GFRAL: variants seen among roughly 807,000 people sequenced by gnomAD.
GFRAL encodes the protein GDNF family receptor alpha like, also known as GDNF family receptor alpha-like.
GFRAL carries 36 observed loss-of-function variants against 45.4 expected under a neutral mutation model. The observed-to-expected ratio is 0.79, with a 90% CI of 0.61 to 1.05. The LOEUF is 1.05. Ranked by LOEUF, GFRAL falls within the 50% of genes least tolerant of loss-of-function variation. The pLI is 0.00. For missense variants in GFRAL, 507 were observed against 467.5 expected (o/e 1.08, Z -0.78); for synonymous variants, 166 against 154.1 (o/e 1.08, Z -0.57).
At position 55,333,886 on chromosome 6, in the gene GFRAL, T is replaced by A; in HGVS notation, c.258T>A (p.Thr86=). ...SNFQFKECLC[T]DDFYCTVNKL... ...TCCAATTTAAAGAGTGTCTTTGCAC[T>A]GATGACTTCTATTGTACTGTGAACA... Residue 86 remains threonine, a synonymous_variant, in exon 3 of 9, where the codon ACT becomes ACA. Coordinates refer to ENST00000340465, the MANE Select transcript of GFRAL (RefSeq NM_207410.2). The A allele has an allele frequency of 6.2e-7, 1 of 1,609,988 alleles. No individual in the cohort carries two copies. The highest frequency in any genetic ancestry group is 8.5e-7 in the Non-Finnish European group (1 of 1,177,486).
chr6:55,345,508 T>C (rs1768028878), intron 3 of GFRAL, among the ~76,000 whole-genome samples: 1 of 152,208 alleles, frequency 6.6e-6, no homozygotes, highest in Non-Finnish European at 1.5e-5. Context: ...AAGCTGAAAC[T>C]GGATTCCTTC....
At chr6:55,388,126 A>G (rs115069308) in intron 6 of GFRAL, among the ~76,000 whole-genome samples, 2,553 of 152,268 alleles carry the variant, frequency 0.017, 62 homozygotes, top group African/African-American at 0.057. Context: ...CCAAGCATCA[A>G]TGCACTTCAA....
intron 3 of GFRAL, among the ~76,000 whole-genome samples, chr6:55,337,946 C>T (rs993902895): frequency 6.6e-6 from 1 of 152,154 alleles, no homozygotes; most frequent in African/African-American, 2.4e-5. Flanking sequence ...ATTCTTTCCT[C>T]ATATAAGCAT....
At chr6:55,354,352 T>TG (rs969432969) in intron 5 of GFRAL, among the ~76,000 whole-genome samples, 13 of 152,014 alleles carry the variant, frequency 8.6e-5, no homozygotes, top group Admixed American at 8.5e-4. Flanking sequence ...ATGTTTGGTG[T>TG]GGGGTCTGGA....
chr6:55,377,583 G>A (rs1446881767), intron 6 of GFRAL, among the ~76,000 whole-genome samples: 1 of 151,950 alleles, frequency 6.6e-6, no homozygotes, highest in East Asian at 1.9e-4. Context: ...CATTCCACAT[G>A]TACTTCTGTT....
At chr6:55,330,612 T>C (rs1361452811) in intron 1 of GFRAL, among the ~76,000 whole-genome samples, 1 of 152,096 alleles carries the variant, frequency 6.6e-6, no homozygotes, top group Non-Finnish European at 1.5e-5. Context: ...AGACAGTAGG[T>C]ATGCAGAGGT....
At chr6:55,365,817 G>T (rs1267712880) in intron 6 of GFRAL, among the ~76,000 whole-genome samples, 22 of 150,220 alleles carry the variant, frequency 1.5e-4, no homozygotes, top group Middle Eastern at 3.5e-3. Flanking sequence ...ATAAGCTTTT[G>T]GATGTGCTGC....
intron 6 of GFRAL, among the ~76,000 whole-genome samples, chr6:55,398,552 A>T (rs1561869441): frequency 6.6e-6 from 1 of 152,216 alleles, no homozygotes; most frequent in African/African-American, 2.4e-5. Flanking sequence ...CAGAGAAAAG[A>T]TTGTCCTCAC....
In GFRAL at chr6:55,378,062, G is replaced by C. The variant is rs143056989; in HGVS notation, c.952+18924G>C. Among the ~76,000 whole-genome samples, 688 of 152,106 alleles carry C rather than the reference G, an allele frequency of 4.5e-3. 10 individuals carry two copies. Among genetic ancestry groups the C allele is most frequent in the African/African-American group, 0.016 (644 of 41,514 alleles). ...TTTGGATCCTGTCCCTCACTGATTT[G>C]GGGTGACCCCACTAGCCTTGATTCC... On this transcript the variant is annotated intron_variant, in intron 6 of 8. Coordinates refer to ENST00000340465, the MANE Select transcript of GFRAL (RefSeq NM_207410.2).
intron 3 of GFRAL, among the ~76,000 whole-genome samples, chr6:55,344,416 A>G (rs1581903704): frequency 1.3e-5 from 2 of 152,346 alleles, no homozygotes; most frequent in East Asian, 1.9e-4. Context: ...AACCCAGCAT[A>G]TAAACAGAAC....
intron 6 of GFRAL, among the ~76,000 whole-genome samples, chr6:55,366,497 T>C (rs1372781695): frequency 6.9e-6 from 1 of 145,496 alleles, no homozygotes; most frequent in Non-Finnish European, 1.5e-5. Context: ...TGAATGTGTT[T>C]GCTCTTGCTT....
intron 3 of GFRAL, among the ~76,000 whole-genome samples, chr6:55,339,365 G>A (rs1271945288): frequency 6.6e-6 from 1 of 152,060 alleles, no homozygotes; most frequent in Non-Finnish European, 1.5e-5. Flanking sequence ...TAAAAAAATA[G>A]TCTAAAAATG....
intron 6 of GFRAL, among the ~76,000 whole-genome samples, chr6:55,372,299 C>A (rs922211776): frequency 2.0e-5 from 3 of 152,132 alleles, no homozygotes; most frequent in African/African-American, 7.2e-5. Context: ...CCCATCCATG[C>A]CCATAGCATC....
intron 6 of GFRAL, among the ~76,000 whole-genome samples, chr6:55,367,569 G>T (rs9464237): frequency 0.18 from 26,705 of 148,614 alleles, 2,594 homozygotes; most frequent in African/African-American, 0.28. Context: ...TGATTTTGCA[G>T]CAGCTGGTAC....
At position 55,401,929 on chromosome 6, in the gene GFRAL, C is replaced by A. The variant is rs911306626; in HGVS notation, c.*76C>A. 2.5e-6 allele frequency: 2 copies of A among 794,124 alleles called. No individual in the cohort carries two copies. The highest frequency in any genetic ancestry group is 2.2e-6 in the Non-Finnish European group (1 of 461,432). The allele number at this position is 794,124 out of a possible 1,614,324, so 49.2% of individuals were successfully genotyped here. A position where few individuals can be genotyped will look rare whatever the true frequency, so the allele number is the denominator to read the frequency against. On this transcript the variant is annotated 3_prime_UTR_variant, in exon 9 of 9. Coordinates refer to ENST00000340465, the MANE Select transcript of GFRAL (RefSeq NM_207410.2). ...TCTTTCCTCTTTTCTTCTCTCCTCT[C>A]CTCTCCTCTCTTCTCCTCTCCTCCC...
intron 2 of GFRAL, 88 bp downstream of exon 2, chr6:55,331,937 TAAG>T (rs1297948274): frequency 8.0e-7 from 1 of 1,255,314 alleles, no homozygotes; most frequent in African/African-American, 1.5e-5. Flanking sequence ...TCCTAAGAAC[TAAG>T]TTTTTTTCTA....
chr6:55,331,844 A>AT lies in GFRAL; in HGVS notation c.154dup (p.Ser52PhefsTer5). ...AGAGTAATGGAAGATGCCTGCAATG[A>AT]TTCAGGTAAACAAGTTGCTAAAAAT... On this transcript the variant is annotated frameshift_variant, in exon 2 of 9. Transcript: ENST00000340465. LOFTEE classifies it high-confidence loss of function. 1 of 1,608,644 alleles carries AT rather than the reference A, an allele frequency of 6.2e-7. No homozygotes were observed. The highest frequency in any genetic ancestry group is 1.1e-5 in the South Asian group (1 of 89,368).
chr6:55,342,569 C>A lies in GFRAL; in HGVS notation c.317-7523C>A, dbSNP rs1279796191. ...CAACCGGTACCCAGCCACTGAAAAA[C>A]TCATGCCAAATTGTAAAGACCATCG... On this transcript the variant is annotated intron_variant, in intron 3 of 8. Transcript: ENST00000340465. 7.1e-3 allele frequency among the ~76,000 whole-genome samples: 1,077 copies of A among 150,732 alleles called. 12 individuals carry two copies. Among genetic ancestry groups the A allele is most frequent in the Non-Finnish European group, 0.012 (821 of 66,890 alleles).
intron 6 of GFRAL, among the ~76,000 whole-genome samples, chr6:55,388,032 A>G (rs926145421): frequency 2.0e-5 from 3 of 152,178 alleles, no homozygotes; most frequent in African/African-American, 7.2e-5. Context: ...AGCCTCTGTG[A>G]CAGACACTGC....
Sources: allele counts gnomAD v4.1 joint callset (sites outside exome capture counted in the v4.1 genomes callset), GRCh38; gene constraint gnomAD v4.1.1; transcripts MANE v1.5; gene names NCBI Gene and HGNC (gene_info 2026-07-23, HGNC 2026-07-21).